The following NCALD variants were observed in gnomAD, a reference collection of about 807,000 sequenced individuals.
NCALD encodes neurocalcin-delta.
NCALD carries 10 observed loss-of-function variants against 18.6 expected under a neutral mutation model. That is an observed-to-expected ratio of 0.54 (90% CI 0.33 to 0.91). The LOEUF is 0.91. Ranked by LOEUF, NCALD falls within the 40% of genes least tolerant of loss-of-function variation. The pLI is 0.03. For synonymous variants in NCALD, 88 were observed against 87.4 expected (o/e 1.01, Z -0.04); for missense variants, 184 against 247.6 (o/e 0.74, Z 1.72).
chr8:102,064,655 A>G (rs1379028923), intron 1 of NCALD, among the ~76,000 whole-genome samples: 1 of 152,204 alleles, frequency 6.6e-6, no homozygotes, highest in Non-Finnish European at 1.5e-5. Context: ...GCTAAAGCTT[A>G]TTAACCTCTG....
intron 1 of NCALD, among the ~76,000 whole-genome samples, chr8:101,761,706 C>T (rs1262010973): frequency 1.3e-5 from 2 of 152,188 alleles, no homozygotes; most frequent in African/African-American, 4.8e-5. Flanking sequence ...TCAATCTCCC[C>T]TTCTTCCTTT....
At chr8:101,851,891 C>T (rs975384902) in intron 4 of NCALD, among the ~76,000 whole-genome samples, 3 of 152,062 alleles carry the variant, frequency 2.0e-5, no homozygotes, top group Non-Finnish European at 2.9e-5. Context: ...AGAGGTGGGG[C>T]TTTTCGAGAG....
At chr8:101,962,931 A>C (rs1407686624) in intron 2 of NCALD, among the ~76,000 whole-genome samples, 3 of 152,172 alleles carry the variant, frequency 2.0e-5, no homozygotes, top group South Asian at 2.1e-4. Context: ...CAAACAAAAA[A>C]AACAAAACAA....
intron 2 of NCALD, among the ~76,000 whole-genome samples, chr8:101,967,451 CGGAA>C (rs1820071128): frequency 2.0e-5 from 3 of 152,144 alleles, no homozygotes; most frequent in Admixed American, 2.0e-4. Flanking sequence ...AACCCTTGTT[CGGAA>C]GGGACAGGAA....
At chr8:102,099,922 A>T (rs1358453405) in intron 1 of NCALD, among the ~76,000 whole-genome samples, 1 of 151,674 alleles carries the variant, frequency 6.6e-6, no homozygotes, top group Admixed American at 6.6e-5. Context: ...CAGTGAGCTG[A>T]GATTGCATCA....
intron 1 of NCALD, among the ~76,000 whole-genome samples, chr8:101,770,320 T>C (rs1185262736): frequency 6.6e-6 from 1 of 152,214 alleles, no homozygotes; most frequent in Non-Finnish European, 1.5e-5. Context: ...CAGCTGCATA[T>C]GCTTGACATA....
chr8:102,021,367 T>C (rs1270916145), intron 1 of NCALD, among the ~76,000 whole-genome samples: 2 of 152,226 alleles, frequency 1.3e-5, no homozygotes, highest in African/African-American at 4.8e-5. Context: ...AATACTATTT[T>C]ATATACCAAT....
intron 2 of NCALD, among the ~76,000 whole-genome samples, chr8:101,706,063 C>T (rs1815506037): frequency 1.3e-5 from 2 of 152,152 alleles, no homozygotes; most frequent in Admixed American, 6.5e-5. Context: ...TGGAGGGAGT[C>T]ATCTGAAACT....
intron 2 of NCALD, among the ~76,000 whole-genome samples, chr8:101,920,732 A>T (rs1291336934): frequency 1.3e-5 from 2 of 152,112 alleles, no homozygotes; most frequent in Non-Finnish European, 2.9e-5. Context: ...ACTAGAGGAG[A>T]GAGGGAGAAA....
chr8:101,874,977 C>A (rs1286356070), intron 4 of NCALD, among the ~76,000 whole-genome samples: 3 of 152,158 alleles, frequency 2.0e-5, no homozygotes, highest in African/African-American at 7.2e-5. Flanking sequence ...CTGAGCTATG[C>A]AAGACTAAGT....
chr8:102,115,312 T>G (rs1157129408), intron 1 of NCALD, among the ~76,000 whole-genome samples: 1 of 152,128 alleles, frequency 6.6e-6, no homozygotes, highest in Non-Finnish European at 1.5e-5. Context: ...CACTTTACCT[T>G]TTTTTCTTTC....
At chr8:101,960,941 C>A (rs1819811151) in intron 2 of NCALD, among the ~76,000 whole-genome samples, 1 of 152,098 alleles carries the variant, frequency 6.6e-6, no homozygotes, top group Non-Finnish European at 1.5e-5. Context: ...AATTTGAAGC[C>A]ATTCTCTTAC....
chr8:102,122,314 G>A (rs1201488444), intron 1 of NCALD, among the ~76,000 whole-genome samples: 1 of 152,234 alleles, frequency 6.6e-6, no homozygotes, highest in African/African-American at 2.4e-5. Context: ...GACCGTGAAA[G>A]TCCCTGGAGT....
chr8:102,115,154 C>A (rs893479841), intron 1 of NCALD, among the ~76,000 whole-genome samples: 3 of 152,346 alleles, frequency 2.0e-5, no homozygotes, highest in Middle Eastern at 3.4e-3. Context: ...TGGTCCCCTG[C>A]AAGGCAAACC....
intron 2 of NCALD, among the ~76,000 whole-genome samples, chr8:101,995,651 G>A (rs577042041): frequency 6.6e-6 from 1 of 152,160 alleles, no homozygotes; most frequent in African/African-American, 2.4e-5. Flanking sequence ...AGCCATTCAT[G>A]AGGGATTCAC....
chr8:101,780,667 G>A (rs1177140802), intron 1 of NCALD, among the ~76,000 whole-genome samples: 2 of 152,054 alleles, frequency 1.3e-5, no homozygotes, highest in Admixed American at 1.3e-4. Flanking sequence ...ACAACAATGC[G>A]AATGTACTTA....
chr8:101,795,464 T>C (rs933183801), upstream of NCALD, among the ~76,000 whole-genome samples: 6 of 152,164 alleles, frequency 3.9e-5, no homozygotes, highest in African/African-American at 1.4e-4. Flanking sequence ...TCCTGCTTCC[T>C]AGATGGCGCC....
chr8:101,792,092 A>G (rs1812468279), upstream of NCALD, among the ~76,000 whole-genome samples: 1 of 152,192 alleles, frequency 6.6e-6, no homozygotes, highest in African/African-American at 2.4e-5. Context: ...ACAAGGAGTT[A>G]AAAGGCAGGG....
intron 3 of NCALD, among the ~76,000 whole-genome samples, chr8:101,897,573 T>G (rs943755472): frequency 6.6e-6 from 1 of 152,186 alleles, no homozygotes; most frequent in Non-Finnish European, 1.5e-5. Flanking sequence ...TAGGACATTT[T>G]GTTTGTTTCC....
Sources: gnomAD v4.1 joint callset for allele counts (sites outside exome capture counted in the v4.1 genomes callset) on GRCh38, gnomAD v4.1.1 for gene constraint, MANE v1.5 for transcripts, NCBI Gene and HGNC (gene_info 2026-07-23, HGNC 2026-07-21) for gene names.